LMAN1: variants seen among roughly 807,000 people sequenced by gnomAD.
LMAN1 encodes the protein lectin, mannose binding 1, also known as protein ERGIC-53.
In LMAN1, 32 loss-of-function variants were observed where a neutral mutation model predicts 67.8. The observed-to-expected ratio is 0.47, with a 90% confidence interval of 0.36 to 0.63. The LOEUF (loss-of-function observed/expected upper bound fraction) is 0.63, where lower values mean the gene tolerates loss of function less well. Ranked by LOEUF, LMAN1 falls within the 30% of genes least tolerant of loss-of-function variation. The probability of loss-of-function intolerance (pLI) is 0.00; values close to 1 mark genes in which losing one functional copy is unlikely to be tolerated. For synonymous variants in LMAN1, 235 were observed against 219.3 expected (o/e 1.07, Z -0.63); for missense variants, 632 against 628.2 (o/e 1.01, Z -0.06).
At chr18:59,356,705 G>A (rs1204194608) in intron 1 of LMAN1, among the ~76,000 whole-genome samples, 1 of 152,180 alleles carries the variant, frequency 6.6e-6, no homozygotes, top group Non-Finnish European at 1.5e-5. Context: ...ACTGAACACA[G>A]AATCAGAAGA....
chr18:59,348,937 T>C (rs1218651027), intron 6 of LMAN1, among the ~76,000 whole-genome samples, 176 bp downstream of exon 6: 1 of 152,154 alleles, frequency 6.6e-6, no homozygotes, highest in East Asian at 1.9e-4. Flanking sequence ...TACCGAACAA[T>C]GTAAGTAGAA....
intron 6 of LMAN1, among the ~76,000 whole-genome samples, 171 bp from the exon 7 acceptor site, chr18:59,347,742 C>T (rs1328574224): frequency 6.6e-6 from 1 of 152,126 alleles, no homozygotes; most frequent in Non-Finnish European, 1.5e-5. Flanking sequence ...GCTTAGAGAC[C>T]AAAATTCACC....
At chr18:59,347,359 A>G (rs887247615) in intron 7 of LMAN1, among the ~76,000 whole-genome samples, 154 bp downstream of exon 7, 3 of 137,144 alleles carry the variant, frequency 2.2e-5, no homozygotes, top group African/African-American at 5.4e-5. Context: ...AAAAAAAAAA[A>G]AGAAATGAAG....
At chr18:59,355,810 A>G (rs1908649343) in intron 1 of LMAN1, 152 bp from the exon 2 acceptor site, 1 of 836,562 alleles carries the variant, frequency 1.2e-6, no homozygotes, top group African/African-American at 1.7e-5. Context: ...TAACTTTAAA[A>G]GTTTAGGGCT....
intron 3 of LMAN1, 80 bp from the exon 4 acceptor site, chr18:59,354,660 T>G: frequency 1.4e-6 from 1 of 717,440 alleles, no homozygotes; most frequent in Non-Finnish European, 2.4e-6. Flanking sequence ...TGAAGTGACT[T>G]ACATATCTAA....
intron 9 of LMAN1, 45 bp downstream of exon 9, chr18:59,338,715 C>CA: frequency 3.7e-6 from 6 of 1,608,252 alleles, no homozygotes; most frequent in Non-Finnish European, 4.3e-6. Flanking sequence ...ACTTCCCTTC[C>CA]AGCAAAGGGT....
At chr18:59,358,070 T>C (rs1388868140) in intron 1 of LMAN1, among the ~76,000 whole-genome samples, 1 of 151,884 alleles carries the variant, frequency 6.6e-6, no homozygotes, top group East Asian at 1.9e-4. Context: ...AACGGGTATA[T>C]CTGATGGTCA....
chr18:59,347,357 A>G (rs1047677512), intron 7 of LMAN1, among the ~76,000 whole-genome samples, 156 bp downstream of exon 7: 4 of 139,042 alleles, frequency 2.9e-5, no homozygotes, highest in South Asian at 2.3e-4. Context: ...AAAAAAAAAA[A>G]AAAGAAATGA....
In LMAN1 at chr18:59,347,526, G is replaced by C; in HGVS notation, c.809C>G (p.Pro270Arg). The change falls in exon 7 of 13, where the codon CCT becomes CGT. Residue 270 changes from proline (P) to arginine (R), a missense_variant. By Grantham distance (103) the Pro-to-Arg change is moderately radical. Coordinates refer to ENST00000251047, the MANE Select transcript of LMAN1 (RefSeq NM_005570.4). ...GTGTAAAATTACCGGCTCTTTTCCA[G>C]GTTCAGTCAACTGGAAAGTCAGAAA... ...LSFLTFQLTE[P>R]GKEPPTPDKE... 1 of 1,609,456 alleles carries C rather than the reference G, an allele frequency of 6.2e-7. No individual in the cohort carries two copies. The highest frequency in any genetic ancestry group is 8.5e-7 in the Non-Finnish European group (1 of 1,177,598).
At position 59,338,616 on chromosome 18, in the gene LMAN1, T is replaced by C; in HGVS notation, c.1161A>G (p.Gln387=). ...MPGQHGQITQ[Q]ELDTVVKTQH... is the part of the protein sequence containing the mutation. ...GAGTTTTCACAACAGTATCCAGTTC[T>C]TGTTGAGTAATCTGGAGGAAGAAAC... The change falls in exon 10 of 13, where the codon CAA becomes CAG. Residue 387 remains glutamine, a synonymous_variant. Transcript: ENST00000251047. 6.2e-7 allele frequency: 1 copy of C among 1,613,646 alleles called. No individual in the cohort carries two copies. The highest frequency in any genetic ancestry group is 8.5e-7 in the Non-Finnish European group (1 of 1,179,572).
chr18:59,348,468 T>A (rs1214294038), intron 6 of LMAN1, among the ~76,000 whole-genome samples: 4 of 152,212 alleles, frequency 2.6e-5, no homozygotes, highest in Non-Finnish European at 5.9e-5. Flanking sequence ...ATTTGGCAAG[T>A]TCTTCTAAAA....
chr18:59,337,089 T>C (rs1908175907), intron 10 of LMAN1, among the ~76,000 whole-genome samples: 1 of 150,604 alleles, frequency 6.6e-6, no homozygotes, highest in African/African-American at 2.4e-5. Context: ...AAAGTAGAGA[T>C]AGCAATAGGA....
chr18:59,359,191 GCAGAA>G lies in LMAN1; in HGVS notation c.49_53del (p.Phe17ArgfsTer84). On this transcript the variant is annotated frameshift_variant, in exon 1 of 13. Coordinates refer to ENST00000251047, the MANE Select transcript of LMAN1 (RefSeq NM_005570.4). LOFTEE classifies it high-confidence loss of function. ...AGCGACCGAGTGACAGCAGCAAGGC[GCAGAA>G]CAGCGGCCGAACTCTGGCCCGGAGA... 1 of 1,614,050 alleles carries G rather than the reference GCAGAA, an allele frequency of 6.2e-7. No homozygotes were observed. The highest frequency in any genetic ancestry group is 8.5e-7 in the Non-Finnish European group (1 of 1,179,942).
chr18:59,338,184 T>C (rs142597669), intron 10 of LMAN1, among the ~76,000 whole-genome samples: 2 of 152,334 alleles, frequency 1.3e-5, no homozygotes, highest in Admixed American at 6.5e-5. Context: ...GCTTGTATTA[T>C]AGTCTTACAA....
Position 59,353,245 on chromosome 18 carries a change from T to C in LMAN1, c.596A>G (p.Tyr199Cys), listed in dbSNP as rs1313158304. Reference sequence around the variant, plus strand: ...ATAGGTAATCTTTGCTCGGACAGGATAGGGTTTGTTGCGGAAGTCCCTCTG... The same window carrying C: ...ATAGGTAATCTTTGCTCGGACAGGACAGGGTTTGTTGCGGAAGTCCCTCTG... ...SCQRDFRNKPYPVRAKITYYQ... is the reference protein window; with the variant it reads ...SCQRDFRNKPCPVRAKITYYQ... The change falls in exon 5 of 13, where the codon TAT becomes TGT. Residue 199 changes from tyrosine to cysteine, a missense_variant. Coordinates refer to ENST00000251047, the MANE Select transcript of LMAN1 (RefSeq NM_005570.4). 2 of 1,614,136 alleles carry C rather than the reference T, an allele frequency of 1.2e-6. No homozygotes were observed. Among genetic ancestry groups the C allele is most frequent in the Non-Finnish European group, 1.7e-6 (2 of 1,179,982 alleles).
chr18:59,335,901 T>C (rs1180417414), intron 10 of LMAN1, among the ~76,000 whole-genome samples: 2 of 152,240 alleles, frequency 1.3e-5, no homozygotes, highest in African/African-American at 4.8e-5. Context: ...AACCACTTTG[T>C]GTGTACTTAT....
intron 8 of LMAN1, among the ~76,000 whole-genome samples, chr18:59,339,771 G>A (rs1166257549): frequency 1.3e-5 from 2 of 152,120 alleles, no homozygotes; most frequent in Non-Finnish European, 2.9e-5. Flanking sequence ...TTGCTGAAGG[G>A]TGCTGCTGAT....
intron 7 of LMAN1, among the ~76,000 whole-genome samples, chr18:59,346,341 C>T (rs940924383): frequency 1.3e-5 from 2 of 151,272 alleles, no homozygotes; most frequent in Admixed American, 1.3e-4. Context: ...CTGCCTCAGC[C>T]TCCCGAGTAG....
Position 59,338,444 on chromosome 18 carries a change from G to A in LMAN1, c.1220+113C>T, listed in dbSNP as rs113733007. 4.4e-5 allele frequency: 35 copies of A among 793,564 alleles called. 2 individuals are homozygous for A. The highest frequency in any genetic ancestry group is 2.0e-4 in the South Asian group (14 of 69,266). 49.2% of individuals were successfully genotyped at this position (793,564 alleles called of 1,614,324 possible). A position where few individuals can be genotyped will look rare whatever the true frequency, so the allele number is the denominator to read the frequency against. On this transcript the variant is annotated intron_variant, in intron 10 of 12. Coordinates refer to ENST00000251047, the MANE Select transcript of LMAN1 (RefSeq NM_005570.4). ...CCTATTTGTAAAATGAATCTAGAAC[G>A]GGATTCTTACCCTCATGCAGAAATC...
Sources: gnomAD v4.1 joint callset for allele counts (sites outside exome capture counted in the v4.1 genomes callset) on GRCh38, gnomAD v4.1.1 for gene constraint, MANE v1.5 for transcripts, NCBI Gene and HGNC (gene_info 2026-07-23, HGNC 2026-07-21) for gene names.